SP1: variants seen among roughly 807,000 people sequenced by gnomAD.
SP1 encodes transcription factor Sp1.
In SP1, 6 loss-of-function variants were observed where a neutral mutation model predicts 66.3. The observed-to-expected ratio is 0.09, with a 90% confidence interval of 0.05 to 0.18. SP1 has a LOEUF of 0.18. Ranked by LOEUF, SP1 falls within the 10% of genes least tolerant of loss-of-function variation. The pLI is 1.00. For synonymous variants in SP1, 417 were observed against 360.8 expected (o/e 1.16, Z -1.77); for missense variants, 848 against 964.5 (o/e 0.88, Z 1.60).
At chr12:53,406,827 AAT>A in intron 4 of SP1, 74 bp downstream of exon 4, 2 of 1,329,438 alleles carry the variant, frequency 1.5e-6, no homozygotes, top group Non-Finnish European at 2.0e-6. Context: ...GAAGAAGATT[AAT>A]TTTTTTTTTT....
chr12:53,394,369 C>G (rs1220149880), intron 3 of SP1, among the ~76,000 whole-genome samples: 1 of 144,302 alleles, frequency 6.9e-6, no homozygotes, highest in African/African-American at 2.5e-5. Flanking sequence ...AATCAAGTTT[C>G]TTTCTCTCTC....
In SP1 at chr12:53,412,205, A is replaced by G. The variant is rs926200616; in HGVS notation, c.*965A>G. ...TTAGCTGCTCTGAGCATCAAGAATT[A>G]GAAGTCTTTCAGTGGAATTGTACAA... On this transcript the variant is annotated 3_prime_UTR_variant, in exon 6 of 6. Transcript: ENST00000327443. 2.6e-5 allele frequency: 4 copies of G among 152,502 alleles called. No individual in the cohort carries two copies. The highest frequency in any genetic ancestry group is 9.6e-5 in the African/African-American group (4 of 41,468). The allele number at this position is 152,502 out of a possible 1,614,324, so 9.4% of individuals were successfully genotyped here.
At chr12:53,389,058 A>G (rs1938290773) in intron 3 of SP1, among the ~76,000 whole-genome samples, 1 of 151,828 alleles carries the variant, frequency 6.6e-6, no homozygotes, top group African/African-American at 2.4e-5. Context: ...AGTATGTTCA[A>G]CTTCTTGGTA....
intron 3 of SP1, among the ~76,000 whole-genome samples, chr12:53,402,610 G>T (rs1254413339): frequency 6.6e-6 from 1 of 151,680 alleles, no homozygotes; most frequent in Non-Finnish European, 1.5e-5. Flanking sequence ...AGACCAAGGG[G>T]GGCGGATCAC....
Position 53,412,925 on chromosome 12 carries a change from TAGCTCTG to T in SP1, c.*1686_*1692del, listed in dbSNP as rs1938923647. ...TTCACTGTGAGGAAGTGTGGAAAAA[TAGCTCTG>T]TGTGTGTGTGTGTGTGTGTGTGTGT... On this transcript the variant is annotated 3_prime_UTR_variant, in exon 6 of 6. Transcript: ENST00000327443. 7.8e-6 allele frequency: 1 copy of T among 128,484 alleles called. No individual in the cohort carries two copies. The highest frequency in any genetic ancestry group is 1.6e-5 in the Non-Finnish European group (1 of 62,472). The allele number at this position is 128,484 out of a possible 1,614,324, so 8.0% of individuals were successfully genotyped here.
chr12:53,406,837 T>G (rs1938750450), intron 4 of SP1, 84 bp downstream of exon 4: 2 of 1,285,268 alleles, frequency 1.6e-6, no homozygotes, highest in Non-Finnish European at 2.1e-6. Context: ...AATTTTTTTT[T>G]TTTTTGAGAC....
At chr12:53,389,884 G>C (rs1022606193) in intron 3 of SP1, among the ~76,000 whole-genome samples, 1 of 152,092 alleles carries the variant, frequency 6.6e-6, no homozygotes, top group Admixed American at 6.6e-5. Flanking sequence ...ATATTTCCTT[G>C]ATGGGTATAA....
intron 3 of SP1, among the ~76,000 whole-genome samples, chr12:53,391,346 C>CTTTTTTTTT (rs71068117): frequency 2.1e-4 from 20 of 97,456 alleles, no homozygotes; most frequent in African/African-American, 4.6e-4. Context: ...TAAGTAATGT[C>CTTTTTTTTT]TTTTTTTTTT....
chr12:53,403,946 C>T (rs1339443436), intron 3 of SP1, among the ~76,000 whole-genome samples: 5 of 151,394 alleles, frequency 3.3e-5, no homozygotes, highest in East Asian at 2.0e-4. Context: ...CCGAGGCGGG[C>T]GGATCATGAG....
chr12:53,406,075 T>C (rs931690627), intron 3 of SP1, among the ~76,000 whole-genome samples: 3 of 139,654 alleles, frequency 2.1e-5, no homozygotes, highest in African/African-American at 5.2e-5. Context: ...CTTTTTTTTT[T>C]TTTTTTTTTT....
chr12:53,407,786 G>A (rs183674499), intron 4 of SP1, among the ~76,000 whole-genome samples: 1,692 of 151,460 alleles, frequency 0.011, 30 homozygotes, highest in African/African-American at 0.039. Flanking sequence ...ACAGGTGCCC[G>A]CCACCTCGCC....
chr12:53,403,504 C>T (rs984183698), intron 3 of SP1, among the ~76,000 whole-genome samples: 2 of 146,536 alleles, frequency 1.4e-5, no homozygotes, highest in Non-Finnish European at 3.0e-5. Context: ...AGGCACACGC[C>T]ACCATGCCCA....
chr12:53,393,359 A>G (rs909980820), intron 3 of SP1, among the ~76,000 whole-genome samples: 3 of 150,612 alleles, frequency 2.0e-5, no homozygotes, highest in African/African-American at 7.3e-5. Context: ...ATCTCTGCTC[A>G]CCGCAACCTC....
intron 3 of SP1, among the ~76,000 whole-genome samples, chr12:53,389,360 C>T (rs1459124964): frequency 6.6e-6 from 1 of 151,530 alleles, no homozygotes; most frequent in Non-Finnish European, 1.5e-5. Context: ...TAATGCCCAC[C>T]ACCACGCCTG....
At chr12:53,387,790 C>T (rs1225572514) in intron 3 of SP1, among the ~76,000 whole-genome samples, 1 of 152,036 alleles carries the variant, frequency 6.6e-6, no homozygotes, top group African/African-American at 2.4e-5. Context: ...TCAAGACCAT[C>T]CTGGCTAACA....
chr12:53,401,671 T>G (rs958370441), intron 3 of SP1, among the ~76,000 whole-genome samples: 1 of 152,162 alleles, frequency 6.6e-6, no homozygotes, highest in Non-Finnish European at 1.5e-5. Context: ...ATTTCATGAT[T>G]ACTTACTATG....
At chr12:53,393,697 A>G (rs572619623) in intron 3 of SP1, among the ~76,000 whole-genome samples, 3 of 151,182 alleles carry the variant, frequency 2.0e-5, no homozygotes, top group African/African-American at 7.3e-5. Context: ...TCCTGGGTTC[A>G]AGCAATTCTC....
chr12:53,397,250 A>ATC (rs1171689951), intron 3 of SP1, among the ~76,000 whole-genome samples: 1 of 151,900 alleles, frequency 6.6e-6, no homozygotes, highest in Admixed American at 6.6e-5. Flanking sequence ...ACCTCAAATG[A>ATC]TCCGCTTGCC....
At chr12:53,396,693 A>C (rs961476071) in intron 3 of SP1, among the ~76,000 whole-genome samples, 6 of 152,208 alleles carry the variant, frequency 3.9e-5, no homozygotes, top group African/African-American at 1.4e-4. Context: ...GTTTTCACTC[A>C]CCTGTTTCTG....
Sources: allele counts gnomAD v4.1 joint callset (sites outside exome capture counted in the v4.1 genomes callset), GRCh38; gene constraint gnomAD v4.1.1; transcripts MANE v1.5; gene names NCBI Gene and HGNC (gene_info 2026-07-23, HGNC 2026-07-21).